KCNN2: variants seen among roughly 807,000 people sequenced by gnomAD.
KCNN2 encodes the protein potassium calcium-activated channel subfamily N member 2, also known as small conductance calcium-activated potassium channel protein 2.
KCNN2 carries 24 observed loss-of-function variants against 55.5 expected under a neutral mutation model. The observed-to-expected ratio is 0.43, with a 90% confidence interval of 0.31 to 0.61. The LOEUF is 0.61. Ranked by LOEUF, KCNN2 falls within the 20% of genes least tolerant of loss-of-function variation. The pLI, the probability that KCNN2 is intolerant of heterozygous loss-of-function variation, is 0.08. For synonymous variants in KCNN2, 431 were observed against 336.1 expected (o/e 1.28, Z -3.09); for missense variants, 754 against 853.6 (o/e 0.88, Z 1.45).
chr5:114,288,530 A>ACACACT (rs67768193), intron 2 of KCNN2, among the ~76,000 whole-genome samples: 1 of 150,960 alleles, frequency 6.6e-6, no homozygotes, highest in Non-Finnish European at 1.5e-5. Flanking sequence ...ACACACACAC[A>ACACACT]TACACATAGA....
intron 1 of KCNN2, among the ~76,000 whole-genome samples, chr5:114,160,546 T>A (rs1752748905): frequency 6.6e-6 from 1 of 152,190 alleles, no homozygotes; most frequent in African/African-American, 2.4e-5. Flanking sequence ...TGAGTTCAAT[T>A]CCTGGATATC....
Position 114,363,957 on chromosome 5 carries a change from A to G in KCNN2, c.1174A>G (p.Ile392Val), listed in dbSNP as rs550123843. 1 of 1,614,112 alleles carries G rather than the reference A, an allele frequency of 6.2e-7. No individual in the cohort carries two copies. Among genetic ancestry groups the G allele is most frequent in the Non-Finnish European group, 8.5e-7 (1 of 1,179,978 alleles). ...LKCLISLSTI[I>V]LLGLIIVYHA... ...ATGCCTTATCAGTCTCTCCACGATC[A>G]TCCTGCTCGGTCTGATCATCGTGTA... The change falls in exon 2 of 8, where the codon ATC becomes GTC. Residue 392 changes from isoleucine to valine, a missense_variant. By Grantham distance (29) the Ile-to-Val change is conservative (BLOSUM62 3). Transcript: ENST00000673685.
chr5:114,102,227 T>C (rs1751387221), intron 1 of KCNN2, among the ~76,000 whole-genome samples: 7 of 152,190 alleles, frequency 4.6e-5, no homozygotes, highest in Admixed American at 4.6e-4. Flanking sequence ...CACATAAATG[T>C]CTTCTTTTGA....
intron 1 of KCNN2, among the ~76,000 whole-genome samples, chr5:114,170,968 G>A (rs1484506953): frequency 1.3e-5 from 2 of 151,960 alleles, no homozygotes; most frequent in Non-Finnish European, 1.5e-5. Flanking sequence ...TACTGTGAGT[G>A]TATTTCACTT....
At chr5:114,144,574 G>A (rs1752357710) in intron 1 of KCNN2, among the ~76,000 whole-genome samples, 3 of 152,070 alleles carry the variant, frequency 2.0e-5, no homozygotes, top group South Asian at 4.1e-4. Flanking sequence ...AGGCTACGGG[G>A]AGCCAAATAC....
At chr5:114,266,741 C>A (rs1755214194) in intron 2 of KCNN2, among the ~76,000 whole-genome samples, 1 of 152,140 alleles carries the variant, frequency 6.6e-6, no homozygotes, top group African/African-American at 2.4e-5. Context: ...CGTTGCACAC[C>A]ATTTGAGGGG....
chr5:114,157,492 A>G (rs1326797294), intron 1 of KCNN2, among the ~76,000 whole-genome samples: 2 of 152,182 alleles, frequency 1.3e-5, no homozygotes, highest in Admixed American at 1.3e-4. Flanking sequence ...TTATAGCAGC[A>G]TGATTTATAA....
chr5:114,205,894 C>T (rs897404799), intron 1 of KCNN2, among the ~76,000 whole-genome samples: 1 of 152,110 alleles, frequency 6.6e-6, no homozygotes, highest in Non-Finnish European at 1.5e-5. Context: ...AGATGGCAGA[C>T]GGCATGAAAA....
chr5:114,119,746 C>T (rs889848525), intron 1 of KCNN2, among the ~76,000 whole-genome samples: 2 of 152,114 alleles, frequency 1.3e-5, no homozygotes, highest in Non-Finnish European at 2.9e-5. Flanking sequence ...ATTTGAAAAT[C>T]GCATATGATA....
intron 2 of KCNN2, among the ~76,000 whole-genome samples, chr5:114,280,443 T>G (rs1052615175): frequency 6.6e-6 from 1 of 152,208 alleles, no homozygotes; most frequent in Non-Finnish European, 1.5e-5. Context: ...GGTCTAATAT[T>G]TAAGTCTTTA....
intron 3 of KCNN2, among the ~76,000 whole-genome samples, chr5:114,417,601 G>A (rs150386779): frequency 2.8e-3 from 429 of 152,254 alleles, no homozygotes; most frequent in Non-Finnish European, 4.8e-3. Flanking sequence ...TGACGTAGGT[G>A]CCTGATAGAT....
chr5:114,239,964 A>T (rs1378920158), intron 2 of KCNN2, among the ~76,000 whole-genome samples: 1 of 152,196 alleles, frequency 6.6e-6, no homozygotes, highest in Non-Finnish European at 1.5e-5. Context: ...TAAAAAGGTA[A>T]TTCGTATATT....
chr5:114,218,981 C>G, intron 1 of KCNN2, among the ~76,000 whole-genome samples: 1 of 152,236 alleles, frequency 6.6e-6, no homozygotes, highest in Non-Finnish European at 1.5e-5. Context: ...GGAACCAGAG[C>G]AAGCACTTTT....
intron 2 of KCNN2, among the ~76,000 whole-genome samples, chr5:114,379,529 AC>A: frequency 9.6e-6 from 1 of 104,122 alleles, no homozygotes; most frequent in African/African-American, 4.4e-5. Context: ...ATATTATATA[AC>A]ATATTATATA....
At chr5:114,156,314 A>C (rs79355333) in intron 1 of KCNN2, among the ~76,000 whole-genome samples, 1 of 152,088 alleles carries the variant, frequency 6.6e-6, no homozygotes, top group South Asian at 2.1e-4. Flanking sequence ...GTCAGGTAGC[A>C]TGATGCCTCT....
chr5:114,163,146 C>T (rs894428136), intron 1 of KCNN2, among the ~76,000 whole-genome samples: 2 of 152,160 alleles, frequency 1.3e-5, no homozygotes, highest in Admixed American at 6.5e-5. Context: ...CTTGGCTCCA[C>T]CCCTGAAGTT....
chr5:114,156,826 T>G (rs977264043), intron 1 of KCNN2, among the ~76,000 whole-genome samples: 2 of 152,116 alleles, frequency 1.3e-5, no homozygotes, highest in Non-Finnish European at 2.9e-5. Flanking sequence ...ACAAAGGAAT[T>G]ATCAATGATG....
intron 1 of KCNN2, among the ~76,000 whole-genome samples, chr5:114,159,246 A>C (rs148090170): frequency 0.018 from 2,726 of 152,268 alleles, 78 homozygotes; most frequent in African/African-American, 0.061. Flanking sequence ...CCTTTTCTGC[A>C]TCTATTGAGA....
intron 1 of KCNN2, among the ~76,000 whole-genome samples, chr5:114,202,834 C>CCTTGCG (rs774747614): frequency 1.2e-4 from 19 of 152,084 alleles, no homozygotes; most frequent in Non-Finnish European, 2.4e-4. Context: ...GATCTGCCTG[C>CCTTGCG]CTTGGCCTTC....
Sources: gnomAD v4.1 joint callset for allele counts (sites outside exome capture counted in the v4.1 genomes callset) on GRCh38, gnomAD v4.1.1 for gene constraint, MANE v1.5 for transcripts, NCBI Gene and HGNC (gene_info 2026-07-23, HGNC 2026-07-21) for gene names.